Variants in FNDC3A observed in about 807,000 individuals in gnomAD.
FNDC3A encodes the protein fibronectin type III domain containing 3A.
FNDC3A carries 32 observed loss-of-function variants against 148.9 expected under a neutral mutation model. The ratio of observed to expected loss-of-function variants is 0.21; its 90% CI spans 0.16 to 0.29. FNDC3A has a LOEUF of 0.29. Ranked by LOEUF, FNDC3A falls within the 10% of genes least tolerant of loss-of-function variation. FNDC3A has a pLI of 1.00. For synonymous variants in FNDC3A, 472 were observed against 473.6 expected (o/e 1.00, Z 0.04); for missense variants, 1,191 against 1,452.8 (o/e 0.82, Z 2.93).
At chr13:49,065,084 C>G (rs1196304081) in intron 2 of FNDC3A, among the ~76,000 whole-genome samples, 1 of 152,182 alleles carries the variant, frequency 6.6e-6, no homozygotes, top group Non-Finnish European at 1.5e-5. Context: ...TTTATTTGCT[C>G]CATTTCTGCT....
At position 49,158,128 on chromosome 13, in the gene FNDC3A, C is replaced by T. The variant is rs992708440; in HGVS notation, c.978-9116C>T. 1.9e-3 allele frequency among the ~76,000 whole-genome samples: 292 copies of T among 152,320 alleles called. 1 individual carries two copies. Among genetic ancestry groups the T allele is most frequent in the African/African-American group, 6.0e-3 (251 of 41,568 alleles). ...GGCGCCCCTCCCCCAGCCTCGCTGT[C>T]GCCTTGCAGTTTGATCTCAGACTGC... On this transcript the variant is annotated intron_variant, in intron 8 of 25. Coordinates refer to ENST00000492622, the MANE Select transcript of FNDC3A (RefSeq NM_001079673.2).
intron 2 of FNDC3A, among the ~76,000 whole-genome samples, chr13:49,071,903 C>T (rs1224039023): frequency 1.3e-5 from 2 of 152,082 alleles, no homozygotes; most frequent in East Asian, 3.9e-4. Context: ...TCTCAAACTC[C>T]TGGGCTCAAG....
At chr13:49,010,325 G>T (rs1952313110) in intron 2 of FNDC3A, among the ~76,000 whole-genome samples, 1 of 152,140 alleles carries the variant, frequency 6.6e-6, no homozygotes, top group Non-Finnish European at 1.5e-5. Flanking sequence ...TAGATAAGGT[G>T]GTTGGCACTA....
At chr13:49,118,825 G>A (rs1486273057) in intron 4 of FNDC3A, among the ~76,000 whole-genome samples, 2 of 152,216 alleles carry the variant, frequency 1.3e-5, no homozygotes, top group African/African-American at 2.4e-5. Context: ...TCTGGGCAGG[G>A]CATCTCTGAA....
At chr13:49,044,794 T>C in intron 2 of FNDC3A, 1 of 430,816 alleles carries the variant, frequency 2.3e-6, no homozygotes, top group Non-Finnish European at 4.7e-6. Context: ...AAAGTGCTTT[T>C]GTTGCCAGGC....
intron 2 of FNDC3A, among the ~76,000 whole-genome samples, chr13:49,058,197 G>A (rs1254465506): frequency 6.6e-6 from 1 of 152,050 alleles, no homozygotes; most frequent in Admixed American, 6.6e-5. Context: ...CCTTTTAAGG[G>A]CTCACAACTC....
intron 1 of FNDC3A, among the ~76,000 whole-genome samples, chr13:48,978,732 G>A (rs1229754706): frequency 2.0e-5 from 3 of 151,764 alleles, no homozygotes; most frequent in Admixed American, 2.0e-4. Flanking sequence ...TTGTAATTCC[G>A]AAGGTTTAGA....
intron 4 of FNDC3A, among the ~76,000 whole-genome samples, chr13:49,120,103 A>AG (rs1881235036): frequency 1.3e-5 from 2 of 152,220 alleles, no homozygotes; most frequent in African/African-American, 2.4e-5. Context: ...AGGTCAGGTT[A>AG]CCCACAAAGG....
chr13:49,130,282 C>G (rs1042433315), intron 4 of FNDC3A, among the ~76,000 whole-genome samples: 6 of 151,178 alleles, frequency 4.0e-5, no homozygotes, highest in African/African-American at 1.5e-4. Flanking sequence ...GATATTTTTC[C>G]TAGCTAGGAG....
chr13:49,050,886 A>G (rs117195318), intron 2 of FNDC3A, among the ~76,000 whole-genome samples: 1,770 of 152,254 alleles, frequency 0.012, 18 homozygotes, highest in Non-Finnish European at 0.016. Flanking sequence ...TCCTTTTATC[A>G]TTATATAATG....
chr13:49,131,081 T>G, intron 4 of FNDC3A, 56 bp from the exon 5 acceptor site: 1 of 1,416,790 alleles, frequency 7.1e-7, no homozygotes, highest in Non-Finnish European at 1.0e-6. Context: ...TTAACATTTT[T>G]AAAAGAATTG....
chr13:49,168,100 A>C (rs1884571019), intron 9 of FNDC3A, among the ~76,000 whole-genome samples: 1 of 152,192 alleles, frequency 6.6e-6, no homozygotes. Context: ...CTGAAGCCTA[A>C]TATAACACAT....
chr13:49,078,065 A>G (rs959095513), intron 3 of FNDC3A, among the ~76,000 whole-genome samples: 3 of 152,222 alleles, frequency 2.0e-5, no homozygotes, highest in Non-Finnish European at 2.9e-5. Flanking sequence ...AATACTGTTT[A>G]TGGTGGGTAC....
chr13:49,106,263 C>G (rs1379249220), intron 3 of FNDC3A, among the ~76,000 whole-genome samples: 1 of 152,142 alleles, frequency 6.6e-6, no homozygotes, highest in African/African-American at 2.4e-5. Context: ...TCAATCTTCC[C>G]CCTCACCATC....
rs1423180901 is a variant in FNDC3A at position 49,208,277 on chromosome 13, T to G, written c.*882T>G. 6.6e-6 allele frequency: 1 copy of G among 152,592 alleles called. No homozygotes were observed. Among genetic ancestry groups the G allele is most frequent in the African/African-American group, 2.4e-5 (1 of 41,436 alleles). The allele number at this position is 152,592 out of a possible 1,614,324, so 9.5% of individuals were successfully genotyped here. A position where few individuals can be genotyped will look rare whatever the true frequency, so the allele number is the denominator to read the frequency against. On this transcript the variant is annotated 3_prime_UTR_variant, in exon 26 of 26. Transcript: ENST00000492622. Reference sequence around the variant, plus strand: ...AGTGTACACATATACACATAACAAGTGTAGAAGTATATATTACATACATAC... The same window carrying G: ...AGTGTACACATATACACATAACAAGGGTAGAAGTATATATTACATACATAC...
At chr13:49,153,447 A>C (rs1360853721) in intron 8 of FNDC3A, among the ~76,000 whole-genome samples, 2 of 151,470 alleles carry the variant, frequency 1.3e-5, no homozygotes, top group African/African-American at 2.4e-5. Context: ...GGTTGCAAAA[A>C]TTTTCTCCCA....
intron 2 of FNDC3A, among the ~76,000 whole-genome samples, chr13:49,029,359 A>T (rs981646941): frequency 2.0e-5 from 3 of 152,244 alleles, no homozygotes; most frequent in Non-Finnish European, 2.9e-5. Flanking sequence ...AAATTAGAAA[A>T]TACTTTGGTA....
chr13:49,186,643 A>C (rs1472043855), intron 15 of FNDC3A, among the ~76,000 whole-genome samples: 1 of 152,168 alleles, frequency 6.6e-6, no homozygotes, highest in Non-Finnish European at 1.5e-5. Context: ...CCAGGCGGGC[A>C]GATCACATGA....
chr13:49,176,507 A>G (rs1466393450), intron 13 of FNDC3A, among the ~76,000 whole-genome samples: 1 of 152,202 alleles, frequency 6.6e-6, no homozygotes, highest in Admixed American at 6.5e-5. Flanking sequence ...AGGGAGGGAT[A>G]GCATTAGGAG....
Sources: allele counts gnomAD v4.1 joint callset (sites outside exome capture counted in the v4.1 genomes callset), GRCh38; gene constraint gnomAD v4.1.1; transcripts MANE v1.5; gene names NCBI Gene and HGNC (gene_info 2026-07-23, HGNC 2026-07-21).